VPS13B: variants seen among roughly 807,000 people sequenced by gnomAD.
VPS13B encodes the protein vacuolar protein sorting 13 homolog B.
A neutral mutation model predicts 426.4 loss-of-function variants in VPS13B; 285 were observed. The ratio of observed to expected loss-of-function variants is 0.67; its 90% confidence interval spans 0.61 to 0.74. VPS13B has a LOEUF of 0.74. Among genes scored for constraint, VPS13B ranks in the 30% least tolerant of loss-of-function variants. VPS13B has a pLI of 0.00. For missense variants in VPS13B, 4,537 were observed against 4,782.6 expected (o/e 0.95, Z 1.51); for synonymous variants, 1,676 against 1,676.4 (o/e 1.00, Z 0.01).
chr8:99,706,199 C>T (rs1832490921), intron 36 of VPS13B, among the ~76,000 whole-genome samples: 1 of 152,132 alleles, frequency 6.6e-6, no homozygotes, highest in Non-Finnish European at 1.5e-5. Flanking sequence ...TTAAATCAAG[C>T]ACTGCCTGTA....
intron 16 of VPS13B, among the ~76,000 whole-genome samples, chr8:99,178,162 T>TA (rs1812741460): frequency 6.6e-6 from 1 of 151,934 alleles, no homozygotes; most frequent in Admixed American, 6.5e-5. Flanking sequence ...TTATTTTATT[T>TA]TTTTTTTATT....
chr8:99,756,105 T>C (rs935079280), intron 39 of VPS13B, among the ~76,000 whole-genome samples: 15 of 152,092 alleles, frequency 9.9e-5, no homozygotes, highest in Admixed American at 2.6e-4. Context: ...AAAGCTTAAG[T>C]ATAGGAATCA....
chr8:99,606,507 A>G (rs969739346), intron 33 of VPS13B, among the ~76,000 whole-genome samples: 3 of 151,460 alleles, frequency 2.0e-5, no homozygotes, highest in Non-Finnish European at 2.9e-5. Context: ...TCAAAAAAAA[A>G]AAAAAAAGAA....
chr8:99,117,706 T>G (rs1187253646), intron 7 of VPS13B, among the ~76,000 whole-genome samples: 1 of 152,202 alleles, frequency 6.6e-6, no homozygotes, highest in Non-Finnish European at 1.5e-5. Flanking sequence ...ATAATACATA[T>G]GATATGATTC....
intron 3 of VPS13B, among the ~76,000 whole-genome samples, chr8:99,064,584 G>A (rs570394738): frequency 3.9e-5 from 6 of 152,276 alleles, no homozygotes; most frequent in African/African-American, 1.4e-4. Context: ...AATGAACAAA[G>A]CCTTCATGAA....
At chr8:99,830,816 C>T (rs541522776) in intron 51 of VPS13B, among the ~76,000 whole-genome samples, 17 of 152,268 alleles carry the variant, frequency 1.1e-4, no homozygotes, top group South Asian at 2.1e-4. Flanking sequence ...CCATCCCTCA[C>T]AGCACAGTCC....
intron 39 of VPS13B, among the ~76,000 whole-genome samples, chr8:99,740,121 TCCTTAAAGGACCTGACGGAGCTGCAAA>T (rs1392898168): frequency 6.6e-6 from 1 of 151,882 alleles, no homozygotes; most frequent in East Asian, 1.9e-4. Flanking sequence ...TGCAGAGAAG[TCCTTAAAGGACCTGACGGAGCTGCAAA>T]CCACAGCACA....
At chr8:99,222,081 T>G (rs1815754390) in intron 17 of VPS13B, among the ~76,000 whole-genome samples, 1 of 152,172 alleles carries the variant, frequency 6.6e-6, no homozygotes, top group African/African-American at 2.4e-5. Flanking sequence ...CCTCAAATAA[T>G]CAAGATTTGG....
chr8:99,657,476 G>GTGTGTGTGTGTGTA (rs1830065293), intron 34 of VPS13B, among the ~76,000 whole-genome samples: 1 of 149,594 alleles, frequency 6.7e-6, no homozygotes, highest in African/African-American at 2.5e-5. Flanking sequence ...AAAATTGTGT[G>GTGTGTGTGTGTGTA]TGTGTGTGTG....
At chr8:99,028,522 ACCC>A (rs754701678) in intron 2 of VPS13B, among the ~76,000 whole-genome samples, 40,512 of 49,942 alleles carry the variant, frequency 0.81, 16,923 homozygotes, top group South Asian at 0.87. Context: ...CGGGGGGCTG[ACCC>A]CCCCCCCCAC....
intron 16 of VPS13B, among the ~76,000 whole-genome samples, chr8:99,187,700 G>A (rs1281859042): frequency 6.6e-6 from 1 of 152,174 alleles, no homozygotes; most frequent in African/African-American, 2.4e-5. Flanking sequence ...CGGGTGCAGT[G>A]ACTCATGCCT....
intron 40 of VPS13B, among the ~76,000 whole-genome samples, chr8:99,774,687 A>G (rs557577823): frequency 6.6e-5 from 10 of 152,336 alleles, no homozygotes; most frequent in African/African-American, 2.2e-4. Flanking sequence ...CATGAGTAGT[A>G]TAAGGGAAAG....
chr8:99,268,247 GC>G (rs1266938874), intron 17 of VPS13B, among the ~76,000 whole-genome samples: 1 of 152,182 alleles, frequency 6.6e-6, no homozygotes, highest in African/African-American at 2.4e-5. Context: ...TGAGGCCAGA[GC>G]CCCCACACAG....
intron 33 of VPS13B, among the ~76,000 whole-genome samples, chr8:99,592,057 T>A (rs780445249): frequency 6.6e-6 from 1 of 151,464 alleles, no homozygotes; most frequent in Non-Finnish European, 1.5e-5. Context: ...TCTTTTCTCT[T>A]TTTTCTCTAT....
At chr8:99,550,034 T>C (rs1824196013) in intron 30 of VPS13B, among the ~76,000 whole-genome samples, 1 of 152,096 alleles carries the variant, frequency 6.6e-6, no homozygotes, top group South Asian at 2.1e-4. Context: ...AAATCCCACA[T>C]TAGACTGTAA....
chr8:99,749,438 A>AT (rs548124993), intron 39 of VPS13B, among the ~76,000 whole-genome samples: 194 of 151,948 alleles, frequency 1.3e-3, no homozygotes, highest in Non-Finnish European at 2.1e-3. Context: ...CTTTATCTCC[A>AT]TGAGTTCAAT....
chr8:99,538,792 C>T (rs1041892702), intron 30 of VPS13B, among the ~76,000 whole-genome samples: 1 of 152,142 alleles, frequency 6.6e-6, no homozygotes, highest in Admixed American at 6.6e-5. Context: ...ACCTACCATT[C>T]GCTAGCTATT....
In VPS13B at chr8:99,351,536, T is replaced by G. The variant is rs568540532; in HGVS notation, c.2825-32672T>G. Among the ~76,000 whole-genome samples the G allele has an allele frequency of 9.2e-5, 14 of 152,154 alleles. No individual in the cohort carries two copies. The South Asian group carries it at 2.3e-3, about 25-fold the overall frequency. On this transcript the variant is annotated intron_variant, in intron 19 of 61. Coordinates refer to ENST00000357162, the MANE Select transcript of VPS13B (RefSeq NM_152564.5). ...TTCACCTTTCTTTCTGGAATCCCTT[T>G]TTAGTCTGGAAAATACTGGCTGAGC... is the stretch of plus-strand genomic sequence containing the variant.
intron 17 of VPS13B, among the ~76,000 whole-genome samples, chr8:99,263,579 C>T (rs1818160821): frequency 1.3e-5 from 2 of 152,126 alleles, no homozygotes. Flanking sequence ...GCCTGTGACC[C>T]CCTTCCCCCA....
Sources: allele counts gnomAD v4.1 joint callset (sites outside exome capture counted in the v4.1 genomes callset), GRCh38; gene constraint gnomAD v4.1.1; transcripts MANE v1.5; gene names NCBI Gene and HGNC (gene_info 2026-07-23, HGNC 2026-07-21).